The following GALNTL6 variants were observed in gnomAD, a reference collection of about 807,000 sequenced individuals.
GALNTL6 encodes polypeptide N-acetylgalactosaminyltransferase like 6.
Under a neutral mutation model 73.7 loss-of-function variants are expected in GALNTL6, and 46 were observed. The observed-to-expected ratio is 0.62, with a 90% CI of 0.49 to 0.80. The LOEUF is 0.80. Among genes scored for constraint, GALNTL6 ranks in the 30% least tolerant of loss-of-function variants. The pLI, the probability that GALNTL6 is intolerant of heterozygous loss-of-function variation, is 0.00. For missense variants in GALNTL6, 604 were observed against 755.0 expected (o/e 0.80, Z 2.34); for synonymous variants, 259 against 263.7 (o/e 0.98, Z 0.17).
chr4:172,997,320 C>T (rs955330875), intron 10 of GALNTL6, among the ~76,000 whole-genome samples: 1 of 152,094 alleles, frequency 6.6e-6, no homozygotes, highest in Non-Finnish European at 1.5e-5. Flanking sequence ...GCGAATCCTG[C>T]CTGCTGTCTG....
At chr4:172,304,183 G>A (rs1740040820) in intron 3 of GALNTL6, among the ~76,000 whole-genome samples, 1 of 152,094 alleles carries the variant, frequency 6.6e-6, no homozygotes, top group Non-Finnish European at 1.5e-5. Context: ...TTTTGAATAA[G>A]TACATGAATA....
chr4:171,924,995 G>C (rs1387973748), intron 2 of GALNTL6, among the ~76,000 whole-genome samples: 1 of 152,210 alleles, frequency 6.6e-6, no homozygotes, highest in African/African-American at 2.4e-5. Context: ...TCCAAGCCTA[G>C]TGGGTTAGGG....
intron 7 of GALNTL6, among the ~76,000 whole-genome samples, chr4:172,843,082 A>T (rs1743303824): frequency 6.6e-6 from 1 of 152,120 alleles, no homozygotes; most frequent in African/African-American, 2.4e-5. Flanking sequence ...ATAAATGACT[A>T]AGAGCCCTGT....
At chr4:171,853,064 C>T (rs1735567886) in intron 2 of GALNTL6, among the ~76,000 whole-genome samples, 1 of 131,064 alleles carries the variant, frequency 7.6e-6, no homozygotes, top group Admixed American at 9.1e-5. Flanking sequence ...GGGGTTTCAC[C>T]GTGTTAGCCA....
intron 5 of GALNTL6, among the ~76,000 whole-genome samples, chr4:172,520,721 C>T (rs1017583724): frequency 1.3e-5 from 2 of 151,774 alleles, no homozygotes; most frequent in Admixed American, 6.6e-5. Context: ...ATTTTGGTGG[C>T]TAAATGTTTG....
chr4:172,835,850 A>C (rs190927695), intron 7 of GALNTL6, among the ~76,000 whole-genome samples: 1 of 152,324 alleles, frequency 6.6e-6, no homozygotes, highest in East Asian at 1.9e-4. Context: ...TGAATACATT[A>C]CTGCGGTTTG....
chr4:172,679,584 C>A (rs1732515381), intron 5 of GALNTL6, among the ~76,000 whole-genome samples: 1 of 152,162 alleles, frequency 6.6e-6, no homozygotes. Context: ...ACTATCTCTG[C>A]AAATGATATT....
At chr4:172,014,987 GA>G (rs1741140666) in intron 2 of GALNTL6, among the ~76,000 whole-genome samples, 1 of 152,004 alleles carries the variant, frequency 6.6e-6, no homozygotes, top group Non-Finnish European at 1.5e-5. Context: ...ATCTATGTTG[GA>G]AAATATTCTA....
chr4:171,876,968 T>C (rs1170729102), intron 2 of GALNTL6, among the ~76,000 whole-genome samples: 1 of 152,108 alleles, frequency 6.6e-6, no homozygotes, highest in Non-Finnish European at 1.5e-5. Context: ...TTGTAGGCCT[T>C]TTGATTATTT....
intron 8 of GALNTL6, among the ~76,000 whole-genome samples, chr4:172,884,973 T>C (rs888514513): frequency 1.6e-4 from 24 of 152,174 alleles, no homozygotes; most frequent in Admixed American, 1.4e-3. Context: ...TTTTGTTCCA[T>C]TGGTGTATGC....
At chr4:172,177,325 T>C (rs921459453) in intron 2 of GALNTL6, among the ~76,000 whole-genome samples, 1 of 152,132 alleles carries the variant, frequency 6.6e-6, no homozygotes, top group Non-Finnish European at 1.5e-5. Context: ...TGAGTAATGA[T>C]AAAAGAAAGA....
At chr4:172,093,030 C>T (rs1027688542) in intron 2 of GALNTL6, among the ~76,000 whole-genome samples, 39 of 151,816 alleles carry the variant, frequency 2.6e-4, no homozygotes, top group Middle Eastern at 3.4e-3. Flanking sequence ...CCCACCACCA[C>T]GCCTGACTAA....
intron 2 of GALNTL6, among the ~76,000 whole-genome samples, chr4:171,942,241 G>GATAAATAGATAAATAAATAAATAA (rs1738570567): frequency 3.3e-5 from 1 of 30,154 alleles, no homozygotes; most frequent in African/African-American, 5.0e-5. Flanking sequence ...AAAATAAATA[G>GATAAATAGATAAATAAATAAATAA]ATAAATAAAT....
At chr4:172,823,301 T>C (rs1448257072) in intron 7 of GALNTL6, among the ~76,000 whole-genome samples, 2 of 152,244 alleles carry the variant, frequency 1.3e-5, no homozygotes, top group Non-Finnish European at 2.9e-5. Flanking sequence ...CCTTCAGCTC[T>C]GCTCTCCTCT....
intron 2 of GALNTL6, among the ~76,000 whole-genome samples, chr4:171,984,518 C>T (rs913819170): frequency 2.6e-5 from 4 of 151,976 alleles, no homozygotes; most frequent in African/African-American, 9.7e-5. Context: ...AGTTTTGTAG[C>T]GGGACTTTGG....
chr4:172,182,649 A>T (rs1004061634), intron 2 of GALNTL6, among the ~76,000 whole-genome samples: 20 of 151,454 alleles, frequency 1.3e-4, no homozygotes, highest in African/African-American at 4.6e-4. Context: ...CAAAGCAATC[A>T]TTTCTAGGGG....
chr4:171,866,923 C>T (rs960916082), intron 2 of GALNTL6, among the ~76,000 whole-genome samples: 1 of 152,180 alleles, frequency 6.6e-6, no homozygotes, highest in Non-Finnish European at 1.5e-5. Flanking sequence ...TAGGGAGACA[C>T]ACACATTCAG....
At position 171,920,717 on chromosome 4, in the gene GALNTL6, C is replaced by T. The variant is rs569478172; in HGVS notation, c.138+105999C>T. Among the ~76,000 whole-genome samples, 140 of 152,164 alleles carry T rather than the reference C, an allele frequency of 9.2e-4. 2 individuals carry two copies. The highest frequency in any genetic ancestry group is 8.8e-5 in the Non-Finnish European group (6 of 67,978). On this transcript the variant is annotated intron_variant, in intron 2 of 12. Coordinates refer to ENST00000506823, the MANE Select transcript of GALNTL6 (RefSeq NM_001034845.3). ...TTAATGATCGATACAAATACATACA[C>T]ACAAACACAGTCATATACTCTAATT...
intron 2 of GALNTL6, among the ~76,000 whole-genome samples, chr4:172,215,868 C>A (rs1188654729): frequency 6.6e-6 from 1 of 151,996 alleles, no homozygotes; most frequent in Non-Finnish European, 1.5e-5. Context: ...ATTACACTTC[C>A]TTTTACATTT....
Sources: allele counts gnomAD v4.1 joint callset (sites outside exome capture counted in the v4.1 genomes callset), GRCh38; gene constraint gnomAD v4.1.1; transcripts MANE v1.5; gene names NCBI Gene and HGNC (gene_info 2026-07-23, HGNC 2026-07-21).